The following PLXDC2 variants were observed in gnomAD, a reference collection of about 807,000 sequenced individuals.
PLXDC2 encodes the protein plexin domain-containing protein 2.
PLXDC2 carries 40 observed loss-of-function variants against 68.9 expected under a neutral mutation model. The observed-to-expected ratio is 0.58, with a 90% CI of 0.45 to 0.76. PLXDC2 has a LOEUF of 0.76. Among genes scored for constraint, PLXDC2 ranks in the 30% least tolerant of loss-of-function variants. The pLI is 0.00. For synonymous variants in PLXDC2, 243 were observed against 234.2 expected (o/e 1.04, Z -0.34); for missense variants, 644 against 661.9 (o/e 0.97, Z 0.30).
At chr10:20,007,391 C>G (rs556332365) in intron 2 of PLXDC2, among the ~76,000 whole-genome samples, 1 of 152,260 alleles carries the variant, frequency 6.6e-6, no homozygotes, top group South Asian at 2.1e-4. Flanking sequence ...GTCTCAAAGT[C>G]CTTTGTGACA....
chr10:19,850,014 C>G (rs1174852403), intron 1 of PLXDC2, among the ~76,000 whole-genome samples: 2 of 152,150 alleles, frequency 1.3e-5, no homozygotes, highest in Non-Finnish European at 2.9e-5. Flanking sequence ...CATTTCCTTA[C>G]TCCCTAAATT....
chr10:20,220,471 A>G (rs1275714347), intron 12 of PLXDC2, among the ~76,000 whole-genome samples: 2 of 152,178 alleles, frequency 1.3e-5, no homozygotes, highest in East Asian at 3.9e-4. Flanking sequence ...ATTTTTTTCT[A>G]TGCTTTCTCT....
chr10:19,973,134 G>A (rs1834381823), intron 1 of PLXDC2, among the ~76,000 whole-genome samples: 1 of 151,322 alleles, frequency 6.6e-6, no homozygotes, highest in Admixed American at 6.6e-5. Context: ...TTAATAAGCT[G>A]TGCCTATGGT....
rs34210865 is a variant in PLXDC2, at chr10:20,002,260, C to CT, written c.324+290dup. ...TCTCAAGGAATTCATTGTGTAAGAG[C>CT]TTTTTTTTTTTTTTTTGAGATGGAG... On this transcript the variant is annotated intron_variant, in intron 2 of 13. Coordinates refer to ENST00000377252, the MANE Select transcript of PLXDC2 (RefSeq NM_032812.9). Among the ~76,000 whole-genome samples the CT allele has an allele frequency of 2.7e-3, 380 of 138,404 alleles. 1 individual carries two copies. The highest frequency in any genetic ancestry group is 3.3e-3 in the Admixed American group (45 of 13,612). 90.8% of individuals were successfully genotyped at this position (138,404 alleles called of 152,430 possible).
chr10:19,987,562 GTTTT>G (rs762882608), intron 1 of PLXDC2, among the ~76,000 whole-genome samples: 5 of 16,820 alleles, frequency 3.0e-4, no homozygotes, highest in African/African-American at 5.7e-4. Flanking sequence ...GTTTTGTTTT[GTTTT>G]TTTTTCTTTT....
At position 20,113,037 on chromosome 10, in the gene PLXDC2, A is replaced by G. The variant is rs563053948; in HGVS notation, c.542-30258A>G. On this transcript the variant is annotated intron_variant, in intron 4 of 13. Transcript: ENST00000377252. The stretch of plus-strand genomic sequence containing the variant: ...GGTACAGAGATGCAAATTCAGTTTC[A>G]TGGTTAGTTTAGCAGGTAGTCCCTC... Among the ~76,000 whole-genome samples the G allele has an allele frequency of 7.9e-5, 12 of 152,314 alleles. No individual in the cohort carries two copies. The South Asian group carries it at 2.3e-3, about 29-fold the overall frequency.
intron 1 of PLXDC2, among the ~76,000 whole-genome samples, chr10:19,878,010 G>C (rs779466765): frequency 3.3e-5 from 5 of 152,176 alleles, no homozygotes; most frequent in Admixed American, 6.6e-5. Flanking sequence ...TGAATTTTGA[G>C]AATATGCATA....
At chr10:20,263,723 G>A (rs2119369517) in intron 13 of PLXDC2, among the ~76,000 whole-genome samples, 1 of 152,198 alleles carries the variant, frequency 6.6e-6, no homozygotes, top group South Asian at 2.1e-4. Context: ...GAAAAAAGCT[G>A]CGTATCACTG....
At chr10:20,014,034 G>C (rs1176333868) in intron 2 of PLXDC2, among the ~76,000 whole-genome samples, 1 of 152,192 alleles carries the variant, frequency 6.6e-6, no homozygotes, top group Non-Finnish European at 1.5e-5. Context: ...CCAGATGATA[G>C]TAAAATTATC....
chr10:19,915,809 A>G (rs1446411585), intron 1 of PLXDC2, among the ~76,000 whole-genome samples: 2 of 152,038 alleles, frequency 1.3e-5, no homozygotes, highest in Non-Finnish European at 2.9e-5. Context: ...ATCCTTCTGG[A>G]ACTGGAAGTC....
chr10:20,132,815 G>A (rs567481917), intron 4 of PLXDC2, among the ~76,000 whole-genome samples: 8 of 151,466 alleles, frequency 5.3e-5, no homozygotes, highest in African/African-American at 1.2e-4. Flanking sequence ...TTTGATTGAA[G>A]AATGTAATCC....
At position 20,188,334 on chromosome 10, in the gene PLXDC2, C is replaced by A. The variant is rs1391650408; in HGVS notation, c.1061+10925C>A. On this transcript the variant is annotated intron_variant, in intron 9 of 13. Coordinates refer to ENST00000377252, the MANE Select transcript of PLXDC2 (RefSeq NM_032812.9). The stretch of plus-strand genomic sequence containing the variant: ...CTATGAAATCAACATTTTTAGCTTC[C>A]ATGTGTGTGAGAACATGCGGTACTC... Among the ~76,000 whole-genome samples, 3 of 151,636 alleles carry A rather than the reference C, an allele frequency of 2.0e-5. No homozygotes were observed. The East Asian group carries it at 5.8e-4, about 30-fold the overall frequency.
rs764752619 is a variant in PLXDC2, at chr10:20,245,525, C to T, written c.1473+20C>T. On this transcript the variant is annotated intron_variant, in intron 13 of 13. Coordinates refer to ENST00000377252, the MANE Select transcript of PLXDC2 (RefSeq NM_032812.9). ...ATTGAGGTAAGTGTTGAGTTTAACACATGAAAACCACGCCAGTTGATGAAC... is the reference window on the plus strand; with the variant it reads ...ATTGAGGTAAGTGTTGAGTTTAACATATGAAAACCACGCCAGTTGATGAAC... 1.2e-6 allele frequency: 2 copies of T among 1,602,074 alleles called. No homozygotes were observed. The highest frequency in any genetic ancestry group is 1.1e-5 in the South Asian group (1 of 89,470).
At chr10:20,132,503 A>T (rs1833880491) in intron 4 of PLXDC2, among the ~76,000 whole-genome samples, 1 of 152,004 alleles carries the variant, frequency 6.6e-6, no homozygotes, top group South Asian at 2.1e-4. Context: ...AGCTCTCTTA[A>T]TATTTGCTTT....
At chr10:19,909,929 C>CT (rs1174562147) in intron 1 of PLXDC2, among the ~76,000 whole-genome samples, 6 of 152,116 alleles carry the variant, frequency 3.9e-5, no homozygotes, top group African/African-American at 1.4e-4. Flanking sequence ...ATCTTTAGTG[C>CT]TGTTCATACT....
intron 1 of PLXDC2, among the ~76,000 whole-genome samples, chr10:19,979,567 T>G (rs1834516138): frequency 6.7e-6 from 1 of 150,116 alleles, no homozygotes; most frequent in Non-Finnish European, 1.5e-5. Context: ...AGGTGGGGTT[T>G]TGCCATTTTG....
chr10:19,951,786 A>G (rs180953649), intron 1 of PLXDC2, among the ~76,000 whole-genome samples: 52 of 152,334 alleles, frequency 3.4e-4, no homozygotes, highest in Non-Finnish European at 4.3e-4. Flanking sequence ...AAAATGTGAG[A>G]CATAAACACC....
At chr10:20,260,676 T>A (rs1201105831) in intron 13 of PLXDC2, among the ~76,000 whole-genome samples, 1 of 152,204 alleles carries the variant, frequency 6.6e-6, no homozygotes, top group Non-Finnish European at 1.5e-5. Flanking sequence ...AATACCTCTA[T>A]GTGGTGTTGA....
At chr10:20,211,879 G>A in intron 10 of PLXDC2, 150 bp downstream of exon 10, 1 of 708,088 alleles carries the variant, frequency 1.4e-6, no homozygotes, top group Non-Finnish European at 2.3e-6. Context: ...CAAATATTAG[G>A]GGTTCGATAA....
Sources: gnomAD v4.1 joint callset for allele counts (sites outside exome capture counted in the v4.1 genomes callset) on GRCh38, gnomAD v4.1.1 for gene constraint, MANE v1.5 for transcripts, NCBI Gene and HGNC (gene_info 2026-07-23, HGNC 2026-07-21) for gene names.